The following NFIA variants were observed in gnomAD, a reference collection of about 807,000 sequenced individuals.
NFIA encodes nuclear factor I A.
In NFIA, 8 loss-of-function variants were observed where a neutral mutation model predicts 62.8. That is an observed-to-expected ratio of 0.13 (90% CI 0.07 to 0.23). NFIA has a LOEUF of 0.23. Ranked by LOEUF, NFIA falls within the 10% of genes least tolerant of loss-of-function variation. The probability of loss-of-function intolerance (pLI) is 1.00; values close to 1 mark genes in which losing one functional copy is unlikely to be tolerated. For synonymous variants in NFIA, 235 were observed against 238.1 expected (o/e 0.99, Z 0.12); for missense variants, 410 against 642.1 (o/e 0.64, Z 3.91).
At chr1:61,213,994 T>C (rs1653438455) in intron 2 of NFIA, among the ~76,000 whole-genome samples, 1 of 152,196 alleles carries the variant, frequency 6.6e-6, no homozygotes, top group South Asian at 2.1e-4. Flanking sequence ...ACTGTGTGAC[T>C]TAAAAGCTCC....
intron 9 of NFIA, among the ~76,000 whole-genome samples, chr1:61,414,079 T>G (rs984371176): frequency 1.3e-5 from 2 of 152,026 alleles, no homozygotes; most frequent in Admixed American, 1.3e-4. Flanking sequence ...ATCTTTCTGG[T>G]TCAAGTGATT....
chr1:61,147,323 G>A (rs1428667693), intron 2 of NFIA, among the ~76,000 whole-genome samples: 2 of 152,082 alleles, frequency 1.3e-5, no homozygotes, highest in African/African-American at 4.8e-5. Flanking sequence ...GCTAATTTTT[G>A]TATTTTTAGT....
chr1:61,357,394 A>G (rs1363475869), intron 5 of NFIA, among the ~76,000 whole-genome samples: 9 of 152,216 alleles, frequency 5.9e-5, no homozygotes, highest in Non-Finnish European at 1.0e-4. Flanking sequence ...AGGGGAGGCA[A>G]GGTTGGAAGA....
chr1:61,090,987 A>T (rs1646310248), intron 2 of NFIA, among the ~76,000 whole-genome samples: 1 of 152,258 alleles, frequency 6.6e-6, no homozygotes, highest in Non-Finnish European at 1.5e-5. Flanking sequence ...AGCATCTGTT[A>T]TAATACTGAA....
chr1:61,403,527 G>A (rs909864356), intron 7 of NFIA, among the ~76,000 whole-genome samples: 2 of 152,152 alleles, frequency 1.3e-5, no homozygotes, highest in Non-Finnish European at 2.9e-5. Flanking sequence ...CTTTGAAATG[G>A]CATCTGAAGG....
At chr1:61,311,728 C>T (rs1303807936) in intron 3 of NFIA, among the ~76,000 whole-genome samples, 3 of 152,122 alleles carry the variant, frequency 2.0e-5, no homozygotes, top group Non-Finnish European at 4.4e-5. Flanking sequence ...ATTTAATAAA[C>T]AAAATTTCTA....
chr1:61,154,516 T>C (rs1648653569), intron 2 of NFIA, among the ~76,000 whole-genome samples: 1 of 152,162 alleles, frequency 6.6e-6, no homozygotes, highest in South Asian at 2.1e-4. Context: ...AGTGACACGA[T>C]ATTGGCTCAC....
intron 3 of NFIA, among the ~76,000 whole-genome samples, chr1:61,307,374 A>G (rs985131930): frequency 9.2e-5 from 14 of 152,174 alleles, no homozygotes; most frequent in Non-Finnish European, 1.9e-4. Flanking sequence ...CCACTGGGTA[A>G]TAAATCCGTT....
intron 6 of NFIA, among the ~76,000 whole-genome samples, chr1:61,378,983 G>A (rs1664277677): frequency 6.6e-6 from 1 of 152,170 alleles, no homozygotes; most frequent in African/African-American, 2.4e-5. Context: ...ATTAGGTCAG[G>A]CCCTCCAGGG....
At position 61,082,613 on chromosome 1, in the gene NFIA, G is replaced by A. The variant is rs1224268142; in HGVS notation, c.-179G>A. ...CAATAGCGCTGGCTGGCTGGCTGCA[G>A]TTGAGCCGACTTGGAAATGTGAACG... On this transcript the variant is annotated 5_prime_UTR_variant, in exon 1 of 11. Coordinates refer to ENST00000403491, the MANE Select transcript of NFIA (RefSeq NM_001134673.4). 6 of 1,500,732 alleles carry A rather than the reference G, an allele frequency of 4.0e-6. No individual in the cohort carries two copies. The highest frequency in any genetic ancestry group is 1.3e-5 in the South Asian group (1 of 74,906). The allele number at this position is 1,500,732 out of a possible 1,614,324, so 93.0% of individuals were successfully genotyped here. A position where few individuals can be genotyped will look rare whatever the true frequency, so the allele number is the denominator to read the frequency against.
intron 2 of NFIA, among the ~76,000 whole-genome samples, chr1:61,203,907 G>T (rs1389508020): frequency 1.3e-5 from 2 of 152,194 alleles, no homozygotes; most frequent in African/African-American, 4.8e-5. Flanking sequence ...CCAGTTGCCA[G>T]GCTCCATTTG....
chr1:61,270,066 G>C (rs983794688), intron 2 of NFIA, among the ~76,000 whole-genome samples: 2 of 152,138 alleles, frequency 1.3e-5, no homozygotes, highest in Admixed American at 6.5e-5. Flanking sequence ...TTTAAAACCA[G>C]GTCTGTGCTC....
intron 2 of NFIA, among the ~76,000 whole-genome samples, chr1:61,170,646 A>G (rs888787786): frequency 2.0e-5 from 3 of 152,188 alleles, no homozygotes; most frequent in African/African-American, 7.2e-5. Flanking sequence ...AATGACAAAG[A>G]TAACTATCAG....
Position 61,352,520 on chromosome 1 carries a change from G to A in NFIA, c.771G>A (p.Met257Ile), listed in dbSNP as rs1038933251. 8.1e-6 allele frequency: 13 copies of A among 1,613,948 alleles called. No homozygotes were observed. Among genetic ancestry groups the A allele is most frequent in the Middle Eastern group, 3.3e-4 (2 of 6,062 alleles). Residue 257 changes from methionine to isoleucine, a missense_variant, in exon 5 of 11, where the codon ATG becomes ATA. By Grantham distance (10) the Met-to-Ile change is conservative (BLOSUM62 1). Around this residue, in one of 3 missense-constraint regions of NFIA, gnomAD observed 298 missense variants for 438.1 expected, o/e 0.68. Transcript: ENST00000403491. ...TGGAAAGTTCTTCATACTACAGCATGAGTCCAGGAGCAATGAGGAGGTCTT... is the reference window on the plus strand; with the variant it reads ...TGGAAAGTTCTTCATACTACAGCATAAGTCCAGGAGCAATGAGGAGGTCTT... ...SDLESSSYYS[M>I]SPGAMRRSLP...
At chr1:61,381,970 A>C (rs1664439249) in intron 6 of NFIA, among the ~76,000 whole-genome samples, 1 of 152,218 alleles carries the variant, frequency 6.6e-6, no homozygotes, top group Non-Finnish European at 1.5e-5. Flanking sequence ...TTACATGTTA[A>C]TATCATTATG....
At chr1:61,247,161 T>C (rs1342209571) in intron 2 of NFIA, among the ~76,000 whole-genome samples, 1 of 152,116 alleles carries the variant, frequency 6.6e-6, no homozygotes, top group Non-Finnish European at 1.5e-5. Context: ...CATCTTCTCT[T>C]AAAAGGAGCT....
intron 3 of NFIA, among the ~76,000 whole-genome samples, chr1:61,329,910 G>C (rs1661199115): frequency 6.6e-6 from 1 of 152,158 alleles, no homozygotes; most frequent in Admixed American, 6.5e-5. Context: ...CCACCATGCT[G>C]GTGAAGAGGG....
At chr1:61,079,182 A>G (rs903775026), upstream of NFIA, among the ~76,000 whole-genome samples, 2 of 152,258 alleles carry the variant, frequency 1.3e-5, no homozygotes, top group African/African-American at 2.4e-5. Context: ...AGAAGTGACC[A>G]GCAGGTCAAA....
intron 2 of NFIA, among the ~76,000 whole-genome samples, chr1:61,123,682 T>A (rs1646924433): frequency 9.5e-6 from 1 of 105,526 alleles, no homozygotes; most frequent in South Asian, 3.8e-4. Context: ...TTTATACAAA[T>A]CCAGTGAGGG....
Sources: allele counts gnomAD v4.1 joint callset (sites outside exome capture counted in the v4.1 genomes callset), GRCh38; gene constraint gnomAD v4.1.1; regional missense constraint gnomAD v4.1.1; transcripts MANE v1.5; gene names NCBI Gene and HGNC (gene_info 2026-07-23, HGNC 2026-07-21).